The following DPP6 variants were observed in gnomAD, a reference collection of about 807,000 sequenced individuals.
DPP6 encodes dipeptidyl peptidase like 6, also known as A-type potassium channel modulatory protein DPP6.
DPP6 carries 69 observed loss-of-function variants against 122.6 expected under a neutral mutation model. The ratio of observed to expected loss-of-function variants is 0.56; its 90% CI spans 0.46 to 0.69. The LOEUF is 0.69. Ranked by LOEUF, DPP6 falls within the 30% of genes least tolerant of loss-of-function variation. DPP6 has a pLI of 0.00. For missense variants in DPP6, 928 were observed against 1,116.9 expected (o/e 0.83, Z 2.41); for synonymous variants, 418 against 433.1 (o/e 0.97, Z 0.43).
intron 18 of DPP6, among the ~76,000 whole-genome samples, chr7:154,869,209 C>G (rs1433241438): frequency 6.6e-6 from 1 of 152,186 alleles, no homozygotes; most frequent in Non-Finnish European, 1.5e-5. Context: ...TTCCCTGACA[C>G]GAGACAGCAG....
intron 10 of DPP6, among the ~76,000 whole-genome samples, chr7:154,790,073 C>T (rs957263451): frequency 6.6e-6 from 1 of 152,280 alleles, no homozygotes; most frequent in South Asian, 2.1e-4. Flanking sequence ...TAGCAGGCAC[C>T]TGTAATCCCA....
intron 10 of DPP6, 42 bp downstream of exon 10, chr7:154,772,984 T>C (rs774714578): frequency 1.5e-6 from 2 of 1,336,870 alleles, no homozygotes; most frequent in East Asian, 2.4e-5. Flanking sequence ...AAAAAAAAAC[T>C]AAGATGAATG....
At chr7:154,274,642 CA>C (rs1804009411) in intron 1 of DPP6, among the ~76,000 whole-genome samples, 1 of 151,490 alleles carries the variant, frequency 6.6e-6, no homozygotes, top group Non-Finnish European at 1.5e-5. Context: ...GTTAAATATG[CA>C]AAATACGTTT....
At chr7:154,837,327 A>G (rs1227548458) in intron 16 of DPP6, among the ~76,000 whole-genome samples, 4 of 150,600 alleles carry the variant, frequency 2.7e-5, no homozygotes, top group Non-Finnish European at 4.4e-5. Context: ...ACATGCACAC[A>G]CATGCATAAC....
At chr7:154,730,136 G>C (rs1391601656) in intron 8 of DPP6, among the ~76,000 whole-genome samples, 2 of 152,190 alleles carry the variant, frequency 1.3e-5, no homozygotes, top group South Asian at 2.1e-4. Context: ...TGAGAAAAAG[G>C]CCTTATACCT....
chr7:154,597,527 T>C (rs1241322337), intron 5 of DPP6, among the ~76,000 whole-genome samples: 3 of 151,834 alleles, frequency 2.0e-5, no homozygotes, highest in Admixed American at 2.0e-4. Flanking sequence ...GCAGGAGAAT[T>C]GCTTGAATCC....
At chr7:153,850,092 C>G in the DPP6 span, among the ~76,000 whole-genome samples, 1 of 152,086 alleles carries the variant, frequency 6.6e-6, no homozygotes, top group Non-Finnish European at 1.5e-5. Flanking sequence ...AATAATATTG[C>G]CAAACTTATT....
At chr7:153,998,260 T>TGCC (rs1268969133) in intron 1 of DPP6, among the ~76,000 whole-genome samples, 7 of 152,328 alleles carry the variant, frequency 4.6e-5, no homozygotes, top group Middle Eastern at 3.4e-3. Flanking sequence ...TAACAAAATG[T>TGCC]GCCAGAACTA....
intron 1 of DPP6, among the ~76,000 whole-genome samples, chr7:154,434,740 A>T (rs760346900): frequency 5.0e-4 from 76 of 152,200 alleles, no homozygotes; most frequent in Middle Eastern, 3.4e-3. Context: ...CACGTTTTTG[A>T]TCAGGGCCTG....
At chr7:154,505,697 AAG>A (rs1825611119) in intron 3 of DPP6, among the ~76,000 whole-genome samples, 1 of 152,204 alleles carries the variant, frequency 6.6e-6, no homozygotes. Flanking sequence ...AAGACTACAG[AAG>A]TAAAATGCCT....
At chr7:154,681,160 G>A (rs994560202) in intron 7 of DPP6, among the ~76,000 whole-genome samples, 2 of 152,106 alleles carry the variant, frequency 1.3e-5, no homozygotes, top group African/African-American at 4.8e-5. Context: ...TTAAGGAAAA[G>A]GTGGATGCAG....
intron 8 of DPP6, among the ~76,000 whole-genome samples, chr7:154,734,627 G>A (rs572953699): frequency 1.1e-4 from 17 of 152,334 alleles, no homozygotes; most frequent in Middle Eastern, 3.4e-3. Context: ...TTTGCATGAT[G>A]GGAAATGTTT....
At chr7:154,057,401 C>A (rs1328229663) in intron 1 of DPP6, 9 of 229,514 alleles carry the variant, frequency 3.9e-5, no homozygotes, top group Non-Finnish European at 6.4e-5. Context: ...CTTAGGACGC[C>A]CATCGGGGAT....
At chr7:154,174,874 C>CT (rs147664898) in intron 1 of DPP6, among the ~76,000 whole-genome samples, 10,420 of 142,258 alleles carry the variant, frequency 0.073, 1,091 homozygotes, top group African/African-American at 0.22. Flanking sequence ...TTCTTTCTTT[C>CT]TTTCTTTTTT....
At chr7:153,782,802 G>A in the DPP6 span, among the ~76,000 whole-genome samples, 3 of 152,062 alleles carry the variant, frequency 2.0e-5, no homozygotes, top group African/African-American at 7.2e-5. Flanking sequence ...GCATCTCTCC[G>A]CTCTGTGTTG....
chr7:154,473,829 C>T (rs1822495374), intron 2 of DPP6, among the ~76,000 whole-genome samples: 2 of 152,110 alleles, frequency 1.3e-5, no homozygotes, highest in Non-Finnish European at 1.5e-5. Context: ...AAACACACAG[C>T]TCTAGAGCCA....
At chr7:154,450,008 CTAAATAAA>C (rs66665335) in intron 2 of DPP6, among the ~76,000 whole-genome samples, 2,857 of 138,274 alleles carry the variant, frequency 0.021, 61 homozygotes, top group African/African-American at 0.052. Context: ...GACTCCATCT[CTAAATAAA>C]TAAATAAATA....
chr7:154,138,862 T>C (rs1795708207), intron 1 of DPP6, among the ~76,000 whole-genome samples: 3 of 152,264 alleles, frequency 2.0e-5, no homozygotes, highest in Middle Eastern at 3.4e-3. Context: ...AAAGTGAAGC[T>C]TCCTGGTACT....
At chr7:153,793,340 G>A in the DPP6 span, among the ~76,000 whole-genome samples, 312 of 147,152 alleles carry the variant, frequency 2.1e-3, no homozygotes, top group African/African-American at 5.9e-3. Context: ...GGGAACTGGA[G>A]CAAAGGTGAC....
Sources: gnomAD v4.1 joint callset for allele counts (sites outside exome capture counted in the v4.1 genomes callset) on GRCh38, gnomAD v4.1.1 for gene constraint, MANE v1.5 for transcripts, NCBI Gene and HGNC (gene_info 2026-07-23, HGNC 2026-07-21) for gene names.